The following XKR6 variants were observed in gnomAD, a reference collection of about 807,000 sequenced individuals.
XKR6 encodes the protein XK related 6.
XKR6 carries 22 observed loss-of-function variants against 56.7 expected under a neutral mutation model. That is an observed-to-expected ratio of 0.39 (90% CI 0.28 to 0.55). XKR6 has a LOEUF of 0.55. Among genes scored for constraint, XKR6 ranks in the 20% least tolerant of loss-of-function variants. XKR6 has a pLI of 0.66. For synonymous variants in XKR6, 524 were observed against 387.8 expected (o/e 1.35, Z -4.13); for missense variants, 852 against 889.0 (o/e 0.96, Z 0.53).
At chr8:11,178,572 A>ATG (rs1802794333) in intron 1 of XKR6, among the ~76,000 whole-genome samples, 1 of 140,844 alleles carries the variant, frequency 7.1e-6, no homozygotes, top group Non-Finnish European at 1.5e-5. Flanking sequence ...ATATATATAT[A>ATG]TGTATATATA....
At chr8:11,057,757 C>G (rs901027243) in intron 1 of XKR6, among the ~76,000 whole-genome samples, 1 of 152,210 alleles carries the variant, frequency 6.6e-6, no homozygotes, top group African/African-American at 2.4e-5. Context: ...CTCCACAATG[C>G]TCTTCCTGAC....
At chr8:11,164,700 T>TC (rs1801984291) in intron 1 of XKR6, among the ~76,000 whole-genome samples, 1 of 152,148 alleles carries the variant, frequency 6.6e-6, no homozygotes, top group African/African-American at 2.4e-5. Flanking sequence ...ATTCTTAGGA[T>TC]CCCCCTTTTC....
intron 1 of XKR6, among the ~76,000 whole-genome samples, chr8:10,954,866 C>CTCTTTTTTTTTTTTTTTTTTTTTTTTT (rs1563309729): frequency 1.1e-5 from 1 of 92,794 alleles, no homozygotes; most frequent in Non-Finnish European, 2.2e-5. Context: ...ACTTCATTCT[C>CTCTTTTTTTTTTTTTTTTTTTTTTTTT]TTTTTTTTTT....
At chr8:10,900,873 G>A (rs999913268) in intron 2 of XKR6, among the ~76,000 whole-genome samples, 2 of 30,244 alleles carry the variant, frequency 6.6e-5, no homozygotes, top group African/African-American at 2.7e-4. Context: ...TTTTTTTTTT[G>A]AGACAGGGTT....
At chr8:11,092,888 G>A (rs370868326) in intron 1 of XKR6, among the ~76,000 whole-genome samples, 1 of 152,216 alleles carries the variant, frequency 6.6e-6, no homozygotes, top group East Asian at 1.9e-4. Context: ...TCTTACAGCA[G>A]GCCATGAGGG....
chr8:10,962,632 T>A (rs556646264), intron 1 of XKR6, among the ~76,000 whole-genome samples: 1 of 152,164 alleles, frequency 6.6e-6, no homozygotes, highest in Non-Finnish European at 1.5e-5. Context: ...TGTTTTGTTT[T>A]TTTTTGTTTT....
At chr8:11,117,905 C>T (rs1799257908) in intron 1 of XKR6, among the ~76,000 whole-genome samples, 1 of 152,042 alleles carries the variant, frequency 6.6e-6, no homozygotes, top group African/African-American at 2.4e-5. Flanking sequence ...ACTTCAAACC[C>T]ATTCAAAAGC....
At chr8:10,978,225 G>A (rs899256600) in intron 1 of XKR6, among the ~76,000 whole-genome samples, 1 of 152,152 alleles carries the variant, frequency 6.6e-6, no homozygotes, top group African/African-American at 2.4e-5. Context: ...TAGATTTATT[G>A]CCTGATATGC....
At chr8:11,148,922 A>C (rs578250096) in intron 1 of XKR6, among the ~76,000 whole-genome samples, 3 of 152,384 alleles carry the variant, frequency 2.0e-5, no homozygotes, top group African/African-American at 7.2e-5. Context: ...ACAGAAAAGA[A>C]GACAGTGTGT....
At chr8:10,963,861 C>T (rs565844177) in intron 1 of XKR6, among the ~76,000 whole-genome samples, 5 of 152,316 alleles carry the variant, frequency 3.3e-5, no homozygotes, top group South Asian at 2.1e-4. Flanking sequence ...AGTTGCTGAA[C>T]GAATGAATGA....
intron 1 of XKR6, among the ~76,000 whole-genome samples, chr8:11,084,412 T>G (rs112404225): frequency 6.6e-6 from 1 of 152,212 alleles, no homozygotes; most frequent in African/African-American, 2.4e-5. Context: ...AATTCAGATA[T>G]GATTTATACC....
intron 1 of XKR6, among the ~76,000 whole-genome samples, chr8:11,196,034 C>T (rs917314894): frequency 4.6e-5 from 7 of 151,866 alleles, no homozygotes; most frequent in African/African-American, 1.7e-4. Flanking sequence ...CTCTCTCTAC[C>T]CACACACCCA....
chr8:10,976,820 T>A (rs911804005), intron 1 of XKR6, among the ~76,000 whole-genome samples: 1 of 152,182 alleles, frequency 6.6e-6, no homozygotes, highest in South Asian at 2.1e-4. Context: ...AGGATTTTAC[T>A]TGCAATCCTC....
intron 1 of XKR6, among the ~76,000 whole-genome samples, chr8:10,998,558 G>A (rs1476184181): frequency 2.6e-5 from 4 of 152,322 alleles, no homozygotes; most frequent in Admixed American, 6.5e-5. Flanking sequence ...GTAGAGCAAA[G>A]CGTGGACAAG....
chr8:11,096,459 G>A (rs1035557913), intron 1 of XKR6, among the ~76,000 whole-genome samples: 2 of 152,138 alleles, frequency 1.3e-5, no homozygotes, highest in Admixed American at 1.3e-4. Flanking sequence ...TTTTTGCAGT[G>A]AACATGTATT....
chr8:11,019,165 T>C (rs892787564), intron 1 of XKR6, among the ~76,000 whole-genome samples: 5 of 152,190 alleles, frequency 3.3e-5, no homozygotes, highest in Non-Finnish European at 7.3e-5. Flanking sequence ...AAGACCAACA[T>C]GTTTCACTCA....
At chr8:11,087,429 G>A (rs1331088509) in intron 1 of XKR6, among the ~76,000 whole-genome samples, 1 of 152,100 alleles carries the variant, frequency 6.6e-6, no homozygotes, top group Non-Finnish European at 1.5e-5. Flanking sequence ...CATTCCTCTG[G>A]CCAGGGATTA....
chr8:10,899,569 G>A (rs1436042502), intron 2 of XKR6, among the ~76,000 whole-genome samples: 1 of 152,176 alleles, frequency 6.6e-6, no homozygotes, highest in African/African-American at 2.4e-5. Flanking sequence ...CACCCACTCT[G>A]GTCTTTTCGG....
chr8:10,913,693 G>A (rs572693360), intron 2 of XKR6, among the ~76,000 whole-genome samples: 1 of 152,200 alleles, frequency 6.6e-6, no homozygotes, highest in African/African-American at 2.4e-5. Context: ...CGGACCAGGT[G>A]TGCAAAGCCA....
Sources: allele counts gnomAD v4.1 joint callset (sites outside exome capture counted in the v4.1 genomes callset), GRCh38; gene constraint gnomAD v4.1.1; transcripts MANE v1.5; gene names NCBI Gene and HGNC (gene_info 2026-07-23, HGNC 2026-07-21).